The following TMEM209 variants were observed in gnomAD, a reference collection of about 807,000 sequenced individuals.
The protein encoded by TMEM209 is testicular tissue protein Li 202.
A neutral mutation model predicts 76.2 loss-of-function variants in TMEM209; 65 were observed. The ratio of observed to expected loss-of-function variants is 0.85; its 90% CI spans 0.70 to 1.05. The LOEUF is 1.05. Among genes scored for constraint, TMEM209 ranks in the 50% least tolerant of loss-of-function variants. The pLI is 0.00. For missense variants in TMEM209, 623 were observed against 685.5 expected, an observed-to-expected ratio of 0.91 and a Z score of 1.02; for synonymous variants, 239 against 237.6, an observed-to-expected ratio of 1.01 and a Z score of -0.06.
intron 13 of TMEM209, among the ~76,000 whole-genome samples, chr7:130,173,222 G>C (rs1797130929): frequency 6.6e-6 from 1 of 151,864 alleles, no homozygotes; most frequent in African/African-American, 2.4e-5. Context: ...CGTGCTTGTA[G>C]TCCTAGCTAC....
intron 6 of TMEM209, among the ~76,000 whole-genome samples, chr7:130,190,299 C>T (rs1023303637): frequency 4.6e-5 from 7 of 152,182 alleles, no homozygotes; most frequent in African/African-American, 1.7e-4. Context: ...GGGCAGATCA[C>T]CTGAGGTCAG....
intron 13 of TMEM209, among the ~76,000 whole-genome samples, chr7:130,172,883 C>T (rs1269139198): frequency 6.6e-6 from 1 of 150,594 alleles, no homozygotes; most frequent in African/African-American, 2.4e-5. Context: ...CCTGTAATCC[C>T]AGCTACTTGG....
intron 6 of TMEM209, among the ~76,000 whole-genome samples, chr7:130,186,404 A>G (rs1797599831): frequency 6.6e-6 from 1 of 152,196 alleles, no homozygotes; most frequent in Non-Finnish European, 1.5e-5. Context: ...TGGCATAAAA[A>G]GTTATATACA....
At position 130,178,399 on chromosome 7, in the gene TMEM209, T is replaced by G; in HGVS notation, c.1246+3A>C. ...ATTTTTTTCTCTTCAAATCAATAAT[T>G]ACCTTTGATCCTTTCAAACAAGTAT... On this transcript the variant is annotated splice_donor_region_variant and intron_variant, in intron 10 of 14. Coordinates refer to ENST00000397622, the MANE Select transcript of TMEM209 (RefSeq NM_032842.4). The G allele has an allele frequency of 6.2e-7, 1 of 1,600,110 alleles. No homozygotes were observed. Among genetic ancestry groups the G allele is most frequent in the Non-Finnish European group, 8.5e-7 (1 of 1,172,826 alleles).
intron 7 of TMEM209, 50 bp from the exon 8 acceptor site, chr7:130,184,305 T>C (rs763732460): frequency 4.5e-6 from 6 of 1,333,864 alleles, no homozygotes; most frequent in African/African-American, 2.9e-5. Flanking sequence ...AAAATCTTGA[T>C]AGAAATCATC....
intron 6 of TMEM209, among the ~76,000 whole-genome samples, chr7:130,188,197 T>C (rs1046805416): frequency 3.9e-5 from 6 of 152,206 alleles, no homozygotes; most frequent in African/African-American, 1.4e-4. Context: ...AAAGAGCTGA[T>C]GAGTCCACAG....
In TMEM209 at chr7:130,204,233, G is replaced by T. The variant is rs997553965; in HGVS notation, c.4-123C>A. 1.6e-5 allele frequency: 18 copies of T among 1,128,656 alleles called. No individual in the cohort carries two copies. In the African/African-American group the frequency reaches 2.4e-4, roughly 15 times the overall value. 69.9% of individuals were successfully genotyped at this position (1,128,656 alleles called of 1,614,324 possible). A position where few individuals can be genotyped will look rare whatever the true frequency, so the allele number is the denominator to read the frequency against. On this transcript the variant is annotated intron_variant, in intron 1 of 14. Transcript: ENST00000397622. ...ATATACCTTCTCTCATCTTTAAAAT[G>T]TTTTATCAAAACTTCTTCCATTTTA...
In TMEM209 at chr7:130,205,122, C is replaced by A; in HGVS notation, c.3+251G>T. 2.1e-6 allele frequency: 3 copies of A among 1,434,656 alleles called. No homozygotes were observed. In the South Asian group the frequency reaches 4.4e-5, roughly 21 times the overall value. The allele number at this position is 1,434,656 out of a possible 1,614,324, so 88.9% of individuals were successfully genotyped here. A position where few individuals can be genotyped will look rare whatever the true frequency, so the allele number is the denominator to read the frequency against. On this transcript the variant is annotated intron_variant, in intron 1 of 14. Coordinates refer to ENST00000397622, the MANE Select transcript of TMEM209 (RefSeq NM_032842.4). Reference sequence around the variant, plus strand: ...TCCAGCGACAAGCAGTCGTATCCCACAGAGGACAGAGCAATAGCTTTCGCG... The same window carrying A: ...TCCAGCGACAAGCAGTCGTATCCCAAAGAGGACAGAGCAATAGCTTTCGCG...
rs374386876 is a variant in TMEM209 at position 130,181,681 on chromosome 7, C to G, written c.1062G>C (p.Glu354Asp). ...NETILVPLVQ[E>D]IESVSTQMRR... ...TCATCTGTGTGCTGACAGACTCAAT[C>G]TCTTGAACAAGTGGCACTAATATTG... The change falls in exon 9 of 15, where the codon GAG (glutamate) becomes GAC (aspartate). Residue 354 changes from glutamate to aspartate, a missense_variant. Coordinates refer to ENST00000397622, the MANE Select transcript of TMEM209 (RefSeq NM_032842.4). 1.2e-6 allele frequency: 2 copies of G among 1,611,860 alleles called. No individual in the cohort carries two copies. Among genetic ancestry groups the G allele is most frequent in the Non-Finnish European group, 1.7e-6 (2 of 1,179,034 alleles).
chr7:130,175,487 T>C (rs767043229), intron 11 of TMEM209, 25 bp downstream of exon 11: 2 of 1,594,854 alleles, frequency 1.3e-6, no homozygotes, highest in East Asian at 2.2e-5. Flanking sequence ...AATAAATAAA[T>C]GAATGAAAGA....
In TMEM209 at chr7:130,202,601, A is replaced by C. The variant is rs762353049; in HGVS notation, c.262T>G (p.Tyr88Asp). 6.2e-7 allele frequency: 1 copy of C among 1,613,972 alleles called. No individual in the cohort carries two copies. The highest frequency in any genetic ancestry group is 2.2e-5 in the East Asian group (1 of 44,874). Reference sequence around the variant, plus strand: ...ACCAGACTTGTTGGTGCCACAGTATATTTGAAATATCTCCAAAAATCAAAT... The same window carrying C: ...ACCAGACTTGTTGGTGCCACAGTATCTTTGAAATATCTCCAAAAATCAAAT... ...ALFDFWRYFK[Y>D]TVAPTSLVVS... The change falls in exon 4 of 15, where the codon TAT becomes GAT. Residue 88 changes from tyrosine to aspartate, a missense_variant. Physicochemically the swap from Tyr to Asp is radical, Grantham distance 160. Transcript: ENST00000397622.
chr7:130,185,164 T>A, intron 7 of TMEM209, 28 bp downstream of exon 7: 1 of 1,592,736 alleles, frequency 6.3e-7, no homozygotes, highest in South Asian at 1.1e-5. Context: ...AAATCATAAA[T>A]ATTAAGTCAC....
Position 130,173,644 on chromosome 7 carries a change from G to A in TMEM209, c.1545C>T (p.Tyr515=). 6.2e-7 allele frequency: 1 copy of A among 1,611,888 alleles called. No individual in the cohort carries two copies. The highest frequency in any genetic ancestry group is 2.2e-5 in the East Asian group (1 of 44,864). The part of the protein sequence containing the change: ...HYELIYQRHV[Y]NLPKGRNNMF... ...TATATAGAAATACCTTTGGCAGGTT[G>A]TATACATGACGCTGGTAGATGAGCT... Residue 515 remains tyrosine (Y), a synonymous_variant, in exon 13 of 15, where the codon TAC becomes TAT. Transcript: ENST00000397622.
chr7:130,187,939 C>T (rs73146710), intron 6 of TMEM209, among the ~76,000 whole-genome samples: 25,881 of 151,924 alleles, frequency 0.17, 2,762 homozygotes, highest in Middle Eastern at 0.24. Context: ...TAACAACCAA[C>T]AAGACAAAAA....
At position 130,173,912 on chromosome 7, in the gene TMEM209, G is replaced by C; in HGVS notation, c.1372C>G (p.Leu458Val). 6.2e-7 allele frequency: 1 copy of C among 1,613,498 alleles called. No individual in the cohort carries two copies. Among genetic ancestry groups the C allele is most frequent in the Non-Finnish European group, 8.5e-7 (1 of 1,179,496 alleles). Residue 458 changes from leucine (L) to valine (V), a missense_variant, in exon 12 of 15, where the codon CTT (leucine) becomes GTT (valine). Leu to Val is a conservative substitution (Grantham distance 32). Coordinates refer to ENST00000397622, the MANE Select transcript of TMEM209 (RefSeq NM_032842.4). ...GGATGTGGAGGTAATCTGGAATCAA[G>C]GTAGGTGCAAAATACATGCATGATG... ...AIIMHVFCTY[L>V]DSRLPPHPKY...
At position 130,203,791 on chromosome 7, in the gene TMEM209, T is replaced by C. The variant is rs2117042157; in HGVS notation, c.196A>G (p.Ile66Val). 1.9e-6 allele frequency: 3 copies of C among 1,601,568 alleles called. No individual in the cohort carries two copies. Among genetic ancestry groups the C allele is most frequent in the Non-Finnish European group, 2.6e-6 (3 of 1,174,114 alleles). Residue 66 changes from isoleucine (I) to valine (V), a missense_variant, in exon 3 of 15, where the codon ATT becomes GTT. Physicochemically the swap from Ile to Val is conservative, Grantham distance 29. Coordinates refer to ENST00000397622, the MANE Select transcript of TMEM209 (RefSeq NM_032842.4). ...YNVTYWPLWY[I>V]ELALASLFSL... is the part of the protein sequence containing the mutation. ...ACAGTGAAAATTACTTACTTACCAATATACCAGAGGGGCCAGTATGTCACA... is the reference window on the plus strand; with the variant it reads ...ACAGTGAAAATTACTTACTTACCAACATACCAGAGGGGCCAGTATGTCACA...
In TMEM209 at chr7:130,185,356, A is replaced by G; in HGVS notation, c.787T>C (p.Ser263Pro). 6.2e-7 allele frequency: 1 copy of G among 1,613,676 alleles called. No homozygotes were observed. The highest frequency in any genetic ancestry group is 8.5e-7 in the Non-Finnish European group (1 of 1,179,680). The change falls in exon 7 of 15, where the codon TCT becomes CCT. Residue 263 changes from serine (S) to proline (P), a missense_variant. Ser to Pro is a moderately conservative substitution (Grantham distance 74). Transcript: ENST00000397622. ...GTAGGACTGCTGGAAGGAGAGGTAGAATCTGGGCTCCCTACAATTGTTAAG... is the reference window on the plus strand; with the variant it reads ...GTAGGACTGCTGGAAGGAGAGGTAGGATCTGGGCTCCCTACAATTGTTAAG... ...QHRVKLGSPD[S>P]TSPSSSPTFW... is the part of the protein sequence containing the mutation.
intron 13 of TMEM209, among the ~76,000 whole-genome samples, chr7:130,173,348 G>C (rs1455985952): frequency 1.3e-5 from 2 of 152,010 alleles, no homozygotes; most frequent in Non-Finnish European, 2.9e-5. Context: ...CCTCTAAAAA[G>C]AGACATAAGA....
intron 4 of TMEM209, 123 bp downstream of exon 4, chr7:130,202,409 T>C (rs560458003): frequency 9.0e-6 from 12 of 1,329,898 alleles, no homozygotes; most frequent in African/African-American, 1.5e-5. Flanking sequence ...GACAATTTAT[T>C]GTATCCTGCT....
Sources: allele counts gnomAD v4.1 joint callset (sites outside exome capture counted in the v4.1 genomes callset), GRCh38; gene constraint gnomAD v4.1.1; transcripts MANE v1.5; gene names NCBI Gene and HGNC (gene_info 2026-07-23, HGNC 2026-07-21).